GALNT9: variants seen among roughly 807,000 people sequenced by gnomAD.
GALNT9 encodes the protein GalNAc transferase 9.
GALNT9 carries 47 observed loss-of-function variants against 63.1 expected under a neutral mutation model. The ratio of observed to expected loss-of-function variants is 0.75; its 90% CI spans 0.59 to 0.95. The LOEUF is 0.95. GALNT9 is among the 40% of genes least tolerant of loss of function. The pLI, the probability that GALNT9 is intolerant of heterozygous loss-of-function variation, is 0.00. For missense variants in GALNT9, 829 were observed against 874.8 expected (o/e 0.95, Z 0.66); for synonymous variants, 396 against 365.7 (o/e 1.08, Z -0.94).
Position 132,319,819 on chromosome 12 carries a change from C to A in GALNT9, c.238+9147G>T, listed in dbSNP as rs1022080451. Among the ~76,000 whole-genome samples, 1 of 152,234 alleles carries A rather than the reference C, an allele frequency of 6.6e-6. No individual in the cohort carries two copies. Among genetic ancestry groups the A allele is most frequent in the Non-Finnish European group, 1.5e-5 (1 of 68,048 alleles). On this transcript the variant is annotated intron_variant, in intron 1 of 10. Coordinates refer to ENST00000328957, the MANE Select transcript of GALNT9 (RefSeq NM_001122636.2). This position sits in a 1 kb window ranked among gnomAD's most constrained non-coding sequence, Gnocchi z 5.2. ...TCGGGCCTGGGTGCCCAGCCTCCCGCGTCCTTCTAGGGAGAAGCCGGATTT... is the reference window on the plus strand; with the variant it reads ...TCGGGCCTGGGTGCCCAGCCTCCCGAGTCCTTCTAGGGAGAAGCCGGATTT...
chr12:132,312,627 G>A (rs554664465), intron 1 of GALNT9, among the ~76,000 whole-genome samples: 133 of 152,338 alleles, frequency 8.7e-4, no homozygotes, highest in African/African-American at 3.0e-3. Flanking sequence ...TCCTTTGGAC[G>A]CAGCCCAGCC....
At chr12:132,304,781 ACCC>A (rs1881506594) in intron 1 of GALNT9, among the ~76,000 whole-genome samples, 1 of 58,916 alleles carries the variant, frequency 1.7e-5, no homozygotes, top group Non-Finnish European at 3.1e-5. Flanking sequence ...ACCCGGGCAC[ACCC>A]TCGCCCAGAC....
rs376924233 is a variant in GALNT9, at chr12:132,304,118, C to T, written c.239-17688G>A. On this transcript the variant is annotated intron_variant, in intron 1 of 10. Coordinates refer to ENST00000328957, the MANE Select transcript of GALNT9 (RefSeq NM_001122636.2). ...ACCCTCACCCAGACACAGCCTCACC[C>T]GGGCACACCCTCTCCGGGGCACACC... Among the ~76,000 whole-genome samples, 7 of 35,650 alleles carry T rather than the reference C, an allele frequency of 2.0e-4. 1 individual carries two copies. Among genetic ancestry groups the T allele is most frequent in the South Asian group, 4.0e-3 (2 of 504 alleles). 23.4% of individuals were successfully genotyped at this position (35,650 alleles called of 152,430 possible).
At chr12:132,323,247 C>T (rs1868883267) in intron 1 of GALNT9, among the ~76,000 whole-genome samples, 1 of 152,222 alleles carries the variant, frequency 6.6e-6, no homozygotes, top group Admixed American at 6.5e-5. Context: ...GGTTGCTGTG[C>T]TGAATTGTAA....
intron 2 of GALNT9, among the ~76,000 whole-genome samples, chr12:132,267,456 C>T (rs1378614515): frequency 3.9e-5 from 6 of 152,180 alleles, no homozygotes; most frequent in Non-Finnish European, 7.3e-5. Context: ...CCCGTGCACA[C>T]GGAGAACCCA....
At chr12:132,328,872 G>A in intron 1 of GALNT9, 94 bp downstream of exon 1, 1 of 1,348,094 alleles carries the variant, frequency 7.4e-7, no homozygotes, top group South Asian at 1.6e-5. Context: ...GGCGCAGAGG[G>A]GCGCGCACCC....
chr12:132,219,701 T>A lies in GALNT9; in HGVS notation c.1078-16011A>T, dbSNP rs879892171. Among the ~76,000 whole-genome samples, 300 of 131,106 alleles carry A rather than the reference T, an allele frequency of 2.3e-3. 1 individual carries two copies. The highest frequency in any genetic ancestry group is 1.5e-3 in the Non-Finnish European group (92 of 60,786). 86.0% of individuals were successfully genotyped at this position (131,106 alleles called of 152,430 possible). A position where few individuals can be genotyped will look rare whatever the true frequency, so the allele number is the denominator to read the frequency against. ...CTCCCCAGGGTGACACCCGCCCGGG[T>A]AAGGGGAAGGGACACCTCCCCAGGG... is the stretch of plus-strand genomic sequence containing the variant. On this transcript the variant is annotated intron_variant, in intron 6 of 10. Coordinates refer to ENST00000328957, the MANE Select transcript of GALNT9 (RefSeq NM_001122636.2).
intron 1 of GALNT9, among the ~76,000 whole-genome samples, chr12:132,298,863 G>A (rs1460418341): frequency 7.0e-6 from 1 of 142,722 alleles, no homozygotes; most frequent in South Asian, 2.4e-4. Flanking sequence ...AACCATCCCT[G>A]AGATGACCAA....
intron 7 of GALNT9, among the ~76,000 whole-genome samples, 185 bp from the exon 8 acceptor site, chr12:132,201,446 G>A (rs1224390000): frequency 1.3e-5 from 2 of 151,340 alleles, no homozygotes; most frequent in Non-Finnish European, 1.5e-5. Flanking sequence ...CAGAGGGTCT[G>A]AGGCAGCTGC....
rs527680532 is a variant in GALNT9 at position 132,258,154 on chromosome 12, C to T, written c.762-268G>A. ...GGACGCTGACACCGGCCACGTTGGC[C>T]CAACTGCAGTATCTCTGAAGGGCTG... On this transcript the variant is annotated intron_variant, in intron 4 of 10. Coordinates refer to ENST00000328957, the MANE Select transcript of GALNT9 (RefSeq NM_001122636.2). Among the ~76,000 whole-genome samples the T allele has an allele frequency of 1.1e-4, 17 of 152,284 alleles. 1 individual carries two copies. The highest frequency in any genetic ancestry group is 3.8e-4 in the African/African-American group (16 of 41,560).
In GALNT9 at chr12:132,236,783, G is replaced by C. The variant is rs1482397305; in HGVS notation, c.1077+11127C>G. On this transcript the variant is annotated intron_variant, in intron 6 of 10. Coordinates refer to ENST00000328957, the MANE Select transcript of GALNT9 (RefSeq NM_001122636.2). This position sits in a 1 kb window ranked among gnomAD's most constrained non-coding sequence, Gnocchi z 5.6. ...AGTCTTGCTGTGCCCCCAATTTCAA[G>C]TCAGTGGTGATCCCTGTGGTCTATC... Among the ~76,000 whole-genome samples the C allele has an allele frequency of 6.6e-6, 1 of 152,188 alleles. No homozygotes were observed. Among genetic ancestry groups the C allele is most frequent in the African/African-American group, 2.4e-5 (1 of 41,456 alleles).
chr12:132,262,417 C>T (rs571956578), intron 3 of GALNT9, 42 bp downstream of exon 3: 163 of 1,523,768 alleles, frequency 1.1e-4, no homozygotes, highest in Non-Finnish European at 1.4e-4. Flanking sequence ...CAGCCACAGG[C>T]AGCCGCCCGG....
intron 2 of GALNT9, 129 bp from the exon 3 acceptor site, chr12:132,262,754 A>C: frequency 7.3e-7 from 1 of 1,367,248 alleles, no homozygotes; most frequent in Non-Finnish European, 9.4e-7. Flanking sequence ...GAGGGACCCC[A>C]GGAGCCATAG....
At chr12:132,226,743 A>C (rs1258120905) in intron 6 of GALNT9, among the ~76,000 whole-genome samples, 11 of 123,992 alleles carry the variant, frequency 8.9e-5, no homozygotes, top group Admixed American at 3.4e-4. Flanking sequence ...ACACACATAC[A>C]CCCCATACAC....
At chr12:132,324,237 G>T (rs1241522866) in intron 1 of GALNT9, among the ~76,000 whole-genome samples, 4 of 152,118 alleles carry the variant, frequency 2.6e-5, no homozygotes, top group Non-Finnish European at 5.9e-5. Context: ...GAGGGAGAGT[G>T]TGCCGGAGCC....
intron 4 of GALNT9, among the ~76,000 whole-genome samples, chr12:132,259,296 G>A (rs1325751717): frequency 4.6e-5 from 7 of 152,318 alleles, no homozygotes; most frequent in African/African-American, 9.6e-5. Context: ...TCCCCCAGAC[G>A]CCCTCAGGCC....
In GALNT9 at chr12:132,265,689, A is replaced by G. The variant is rs1200934528; in HGVS notation, c.420-3064T>C. ...CAGGCCCGGGAAAGACAATGAAGAT[A>G]CCTTATTCCTGATGTAGCTTCCCCA... On this transcript the variant is annotated intron_variant, in intron 2 of 10. Transcript: ENST00000328957. This position sits in a 1 kb window ranked among gnomAD's most constrained non-coding sequence, Gnocchi z 5.3. Among the ~76,000 whole-genome samples the G allele has an allele frequency of 1.3e-5, 2 of 152,104 alleles. No individual in the cohort carries two copies. The highest frequency in any genetic ancestry group is 2.9e-5 in the Non-Finnish European group (2 of 68,026).
At chr12:132,226,445 CCACA>C (rs1275401310) in intron 6 of GALNT9, among the ~76,000 whole-genome samples, 7 of 149,410 alleles carry the variant, frequency 4.7e-5, no homozygotes, top group South Asian at 4.3e-4. Flanking sequence ...CAGACATATC[CCACA>C]CACATACACC....
chr12:132,316,513 G>A lies in GALNT9; in HGVS notation c.238+12453C>T, dbSNP rs1289647709. Among the ~76,000 whole-genome samples, 1 of 152,100 alleles carries A rather than the reference G, an allele frequency of 6.6e-6. No homozygotes were observed. The highest frequency in any genetic ancestry group is 1.5e-5 in the Non-Finnish European group (1 of 68,000). ...CTCCCTGGGAAACGGAGAATCAGGA[G>A]CACCCGAGCTTCCCACCCTAACCAC... is the stretch of plus-strand genomic sequence containing the variant. On this transcript the variant is annotated intron_variant, in intron 1 of 10. Transcript: ENST00000328957. The surrounding 1 kb of genome is among the most constrained non-coding windows in gnomAD (Gnocchi z 4.3).
Sources: gnomAD v4.1 joint callset for allele counts (sites outside exome capture counted in the v4.1 genomes callset) on GRCh38, gnomAD v4.1.1 for gene constraint, Gnocchi (gnomAD v3.1) non-coding constraint, MANE v1.5 for transcripts, NCBI Gene and HGNC (gene_info 2026-07-23, HGNC 2026-07-21) for gene names.